PARD3B: variants seen among roughly 807,000 people sequenced by gnomAD.
PARD3B encodes the protein par-3 family cell polarity regulator beta.
Under a neutral mutation model 130.2 loss-of-function variants are expected in PARD3B, and 103 were observed. That is an observed-to-expected ratio of 0.79 (90% CI 0.67 to 0.93). The LOEUF (loss-of-function observed/expected upper bound fraction) is 0.93. PARD3B is among the 40% of genes least tolerant of loss of function. PARD3B has a pLI of 0.00. For synonymous variants in PARD3B, 583 were observed against 553.2 expected (o/e 1.05, Z -0.76); for missense variants, 1,609 against 1,499.2 (o/e 1.07, Z -1.21).
intron 19 of PARD3B, among the ~76,000 whole-genome samples, chr2:205,419,074 C>A (rs762174226): frequency 2.0e-5 from 3 of 152,008 alleles, no homozygotes; most frequent in Non-Finnish European, 4.4e-5. Context: ...TACAGTAATA[C>A]AGCACTGATA....
chr2:205,284,755 G>A (rs2041324275), intron 16 of PARD3B, among the ~76,000 whole-genome samples: 1 of 151,870 alleles, frequency 6.6e-6, no homozygotes, highest in Non-Finnish European at 1.5e-5. Context: ...TACATGCCAT[G>A]CAGGATGCTG....
chr2:205,014,965 T>A (rs1250213721), intron 3 of PARD3B, among the ~76,000 whole-genome samples: 1 of 152,184 alleles, frequency 6.6e-6, no homozygotes, highest in Non-Finnish European at 1.5e-5. Context: ...TTTCTTATTT[T>A]AGCACCTCAC....
At chr2:204,892,193 A>G (rs568875289) in intron 2 of PARD3B, among the ~76,000 whole-genome samples, 1 of 152,114 alleles carries the variant, frequency 6.6e-6, no homozygotes, top group African/African-American at 2.4e-5. Context: ...GGAGAGAGCA[A>G]TGAGTGTGAA....
intron 2 of PARD3B, among the ~76,000 whole-genome samples, chr2:204,819,221 C>G (rs1222438131): frequency 6.6e-6 from 1 of 152,212 alleles, no homozygotes; most frequent in Non-Finnish European, 1.5e-5. Flanking sequence ...TCAAGCAAGC[C>G]TGTCAGTGCC....
intron 16 of PARD3B, among the ~76,000 whole-genome samples, chr2:205,297,226 C>T (rs1259936284): frequency 2.0e-5 from 3 of 152,042 alleles, no homozygotes; most frequent in Non-Finnish European, 4.4e-5. Flanking sequence ...AAATTACTCA[C>T]TTGAAAGAGA....
At chr2:204,687,928 T>G (rs986494502) in intron 2 of PARD3B, among the ~76,000 whole-genome samples, 10 of 152,196 alleles carry the variant, frequency 6.6e-5, no homozygotes, top group Non-Finnish European at 7.3e-5. Context: ...GATAAGTCCA[T>G]GAACAGTGCC....
chr2:205,302,002 C>T (rs1055120796), intron 18 of PARD3B: 3 of 657,364 alleles, frequency 4.6e-6, no homozygotes, highest in Non-Finnish European at 8.3e-6. Context: ...TGCTTGAGCC[C>T]AAGAGTTCAA....
chr2:205,122,414 G>A lies in PARD3B; in HGVS notation c.1165+465G>A, dbSNP rs560978002. On this transcript the variant is annotated intron_variant, in intron 8 of 22. Coordinates refer to ENST00000406610, the MANE Select transcript of PARD3B (RefSeq NM_001302769.2). The surrounding 1 kb of genome is among the most constrained non-coding windows in gnomAD (Gnocchi z 4.3). Reference sequence around the variant, plus strand: ...TGTTTACTAATTTCTCTGATTCAACGTCACAAACATTTAAAACATACCTAA... The same window carrying A: ...TGTTTACTAATTTCTCTGATTCAACATCACAAACATTTAAAACATACCTAA... Among the ~76,000 whole-genome samples the A allele has an allele frequency of 6.6e-5, 10 of 152,134 alleles. No homozygotes were observed. The highest frequency in any genetic ancestry group is 1.3e-4 in the Non-Finnish European group (9 of 68,024).
At chr2:205,468,262 C>T (rs1166709548) in intron 20 of PARD3B, among the ~76,000 whole-genome samples, 2 of 152,176 alleles carry the variant, frequency 1.3e-5, no homozygotes, top group Non-Finnish European at 2.9e-5. Context: ...AGTATAATAC[C>T]AGTGCGATTC....
intron 1 of PARD3B, among the ~76,000 whole-genome samples, chr2:204,658,328 C>T (rs2035701451): frequency 6.6e-6 from 1 of 152,064 alleles, no homozygotes. Flanking sequence ...TATACATTTT[C>T]TTCTGTGTTC....
intron 2 of PARD3B, among the ~76,000 whole-genome samples, chr2:204,823,168 CAT>C (rs1460555321): frequency 6.6e-6 from 1 of 151,922 alleles, no homozygotes; most frequent in Non-Finnish European, 1.5e-5. Flanking sequence ...TGATTGTCAA[CAT>C]AAAGATTTCT....
chr2:204,634,401 C>T (rs2034799248), intron 1 of PARD3B, among the ~76,000 whole-genome samples: 1 of 152,102 alleles, frequency 6.6e-6, no homozygotes, highest in Non-Finnish European at 1.5e-5. Flanking sequence ...TTTATGGATA[C>T]TTAAAGTTGC....
At chr2:205,009,927 C>T (rs1040493104) in intron 3 of PARD3B, among the ~76,000 whole-genome samples, 2 of 152,118 alleles carry the variant, frequency 1.3e-5, no homozygotes, top group Non-Finnish European at 2.9e-5. Context: ...AGGCATTGTG[C>T]TAAACTCTTT....
In PARD3B at chr2:205,288,248, T is replaced by C. The variant is rs1559624521; in HGVS notation, c.2186-12282T>C. On this transcript the variant is annotated intron_variant, in intron 16 of 22. Transcript: ENST00000406610. This position sits in a 1 kb window ranked among gnomAD's most constrained non-coding sequence, Gnocchi z 4.0. ...GAGCACCTCCTGGCTCCCAAGTGCATTAAGATATGTTCCTGCACCCTATCC... is the reference window on the plus strand; with the variant it reads ...GAGCACCTCCTGGCTCCCAAGTGCACTAAGATATGTTCCTGCACCCTATCC... Among the ~76,000 whole-genome samples, 2 of 151,850 alleles carry C rather than the reference T, an allele frequency of 1.3e-5. No homozygotes were observed. The highest frequency in any genetic ancestry group is 2.9e-5 in the Non-Finnish European group (2 of 67,946).
chr2:205,388,094 A>G (rs1176290667), intron 18 of PARD3B, among the ~76,000 whole-genome samples: 1 of 152,236 alleles, frequency 6.6e-6, no homozygotes, highest in African/African-American at 2.4e-5. Context: ...TTTTAAAGGT[A>G]TGCTCACCAG....
intron 2 of PARD3B, among the ~76,000 whole-genome samples, chr2:204,788,405 C>G (rs1182061164): frequency 6.6e-6 from 1 of 152,186 alleles, no homozygotes. Flanking sequence ...TGACAAGCTG[C>G]CTGTTACTCT....
chr2:204,643,706 G>T (rs2035172622), intron 1 of PARD3B, among the ~76,000 whole-genome samples: 1 of 152,092 alleles, frequency 6.6e-6, no homozygotes, highest in Non-Finnish European at 1.5e-5. Flanking sequence ...TCTTCTTCCA[G>T]TGTGGTGCAG....
rs1315197051 is a variant in PARD3B, at chr2:204,906,748, C to T, written c.223-58404C>T. 1.3e-5 allele frequency among the ~76,000 whole-genome samples: 2 copies of T among 152,146 alleles called. No homozygotes were observed. Among genetic ancestry groups the T allele is most frequent in the Admixed American group, 6.5e-5 (1 of 15,282 alleles). On this transcript the variant is annotated intron_variant, in intron 2 of 22. Coordinates refer to ENST00000406610, the MANE Select transcript of PARD3B (RefSeq NM_001302769.2). The surrounding 1 kb of genome is among the most constrained non-coding windows in gnomAD (Gnocchi z 4.3). ...GAGAAAACTTTCTTTGTAATGTGGT[C>T]ACCAGGTTGTGTTTTTTTCAGGCTT...
intron 3 of PARD3B, among the ~76,000 whole-genome samples, chr2:205,038,486 A>C (rs1277988022): frequency 6.6e-6 from 1 of 152,200 alleles, no homozygotes; most frequent in Non-Finnish European, 1.5e-5. Flanking sequence ...AAGTAGCTTA[A>C]AAATTTTGAA....
Sources: gnomAD v4.1 joint callset for allele counts (sites outside exome capture counted in the v4.1 genomes callset) on GRCh38, gnomAD v4.1.1 for gene constraint, Gnocchi (gnomAD v3.1) non-coding constraint, MANE v1.5 for transcripts, NCBI Gene and HGNC (gene_info 2026-07-23, HGNC 2026-07-21) for gene names.